The following NOL6 variants were observed in gnomAD, a reference collection of about 807,000 sequenced individuals.
The protein encoded by NOL6 is nucleolar RNA-associated protein.
Under a neutral mutation model 131.7 loss-of-function variants are expected in NOL6, and 33 were observed. The observed-to-expected ratio is 0.25, with a 90% CI of 0.19 to 0.33. NOL6 has a LOEUF of 0.33. NOL6 is among the 10% of genes least tolerant of loss of function. The probability of loss-of-function intolerance (pLI) is 1.00; values close to 1 mark genes in which losing one functional copy is unlikely to be tolerated. For missense variants in NOL6, 1,297 were observed against 1,494.5 expected (o/e 0.87, Z 2.18); for synonymous variants, 580 against 605.7 (o/e 0.96, Z 0.62).
chr9:33,468,010 C>G lies in NOL6; in HGVS notation c.1424+20G>C. The stretch of plus-strand genomic sequence containing the variant: ...GAAGAGACAGGACCCGCCAACATAC[C>G]CTGTCACCCCTAAACTCACTGCAGG... On this transcript the variant is annotated intron_variant, in intron 11 of 25. Transcript: ENST00000297990. The G allele has an allele frequency of 6.2e-7, 1 of 1,614,104 alleles. No homozygotes were observed. Among genetic ancestry groups the G allele is most frequent in the Non-Finnish European group, 8.5e-7 (1 of 1,180,014 alleles).
intron 21 of NOL6, 90 bp downstream of exon 21, chr9:33,464,789 A>C: frequency 2.2e-6 from 2 of 897,678 alleles, no homozygotes; most frequent in Non-Finnish European, 3.6e-6. Flanking sequence ...GGGGAGGCAC[A>C]GAGAAAACCT....
At chr9:33,463,592 C>A in intron 23 of NOL6, 151 bp from the exon 24 acceptor site, 1 of 805,028 alleles carries the variant, frequency 1.2e-6, no homozygotes, top group East Asian at 2.7e-5. Context: ...GCACCAAGAC[C>A]CACAGAGCAA....
rs1441165165 is a variant in NOL6, at chr9:33,464,802, C to T, written c.2779+77G>A. On this transcript the variant is annotated intron_variant, in intron 21 of 25. Transcript: ENST00000297990. ...CTGGGGAGGCACAGAGAAAACCTAA[C>T]ACTGCCAGGGAAACCCTTGCCTGCA... The T allele has an allele frequency of 2.8e-6, 3 of 1,069,918 alleles. No homozygotes were observed. The Admixed American group carries it at 5.7e-5, about 20-fold the overall frequency. The allele number at this position is 1,069,918 out of a possible 1,614,324, so 66.3% of individuals were successfully genotyped here. A position where few individuals can be genotyped will look rare whatever the true frequency, so the allele number is the denominator to read the frequency against.
rs779178025 is a variant in NOL6 at position 33,469,301 on chromosome 9, G to A, written c.768C>T (p.Cys256=). The change falls in exon 6 of 26, where the codon TGC becomes TGT. Residue 256 remains cysteine, a synonymous_variant. Coordinates refer to ENST00000297990, the MANE Select transcript of NOL6 (RefSeq NM_022917.5). ...ACGGGCGGAAGAAGTCAGGTGGAGG[G>A]CACGGATGCAGACGTACAGTGACCA... ...ERLVTVRLHP[C]PPPDFFRPCR... 3 of 1,614,022 alleles carry A rather than the reference G, an allele frequency of 1.9e-6. No individual in the cohort carries two copies. Among genetic ancestry groups the A allele is most frequent in the Non-Finnish European group, 2.5e-6 (3 of 1,180,046 alleles).
chr9:33,462,917 C>G, intron 25 of NOL6, 104 bp from the exon 26 acceptor site: 2 of 1,554,618 alleles, frequency 1.3e-6, no homozygotes, highest in Non-Finnish European at 1.8e-6. Context: ...AACACAAGCC[C>G]ATACACTCCG....
At position 33,467,195 on chromosome 9, in the gene NOL6, C is replaced by T. The variant is rs753250395; in HGVS notation, c.1793G>A (p.Arg598Gln). The T allele has an allele frequency of 9.9e-6, 16 of 1,614,056 alleles. No homozygotes were observed. Among genetic ancestry groups the T allele is most frequent in the East Asian group, 2.2e-5 (1 of 44,894 alleles). The part of the protein sequence containing the change: ...ELRRFQDGAI[R>Q]EAVVWEAASM... Reference sequence around the variant, plus strand: ...GGCTGCCTCCCAGACCACAGCTTCCCGAATGGCTCCGTCCTGGAAACGCCG... The same window carrying T: ...GGCTGCCTCCCAGACCACAGCTTCCTGAATGGCTCCGTCCTGGAAACGCCG... The change falls in exon 14 of 26, where the codon CGG becomes CAG. Residue 598 changes from arginine to glutamine, a missense_variant. Arg to Gln is a conservative substitution (Grantham distance 43, BLOSUM62 1). Transcript: ENST00000297990. This position sits in a 1 kb window ranked among gnomAD's most constrained non-coding sequence, Gnocchi z 4.4.
intron 15 of NOL6, 98 bp from the exon 16 acceptor site, chr9:33,466,807 G>C: frequency 6.4e-7 from 1 of 1,570,132 alleles, no homozygotes; most frequent in Admixed American, 1.7e-5. Flanking sequence ...CAGCACCGCC[G>C]CCTGCTGGAC....
rs765274483 is a variant in NOL6 at position 33,465,946 on chromosome 9, C to G, written c.2365-49G>C. 6 of 1,595,040 alleles carry G rather than the reference C, an allele frequency of 3.8e-6. No individual in the cohort carries two copies. The South Asian group carries it at 5.7e-5, about 15-fold the overall frequency. On this transcript the variant is annotated intron_variant, in intron 18 of 25. Transcript: ENST00000297990. ...AGAAGGATGTGTCAGCCCAGAACCC[C>G]GGGAGTACTCTGTGGCCTACAGCCC...
Position 33,466,853 on chromosome 9 carries a change from A to ACTCT in NOL6, c.1950+55_1950+58dup. 1.9e-6 allele frequency: 3 copies of ACTCT among 1,583,512 alleles called. No homozygotes were observed. In the South Asian group the frequency reaches 3.4e-5, roughly 18 times the overall value. ...GTGCAAGCTGGCCAAGGCTGAGAGGACTCTCTCCCCGCAGATTGATTACTC... is the reference window on the plus strand; with the variant it reads ...GTGCAAGCTGGCCAAGGCTGAGAGGACTCTCTCTCTCCCCGCAGATTGATTACTC... On this transcript the variant is annotated intron_variant, in intron 15 of 25. Coordinates refer to ENST00000297990, the MANE Select transcript of NOL6 (RefSeq NM_022917.5).
chr9:33,471,885 T>C (rs1486133567), intron 3 of NOL6, 119 bp downstream of exon 3: 1 of 755,754 alleles, frequency 1.3e-6, no homozygotes, highest in African/African-American at 1.7e-5. Context: ...GCTTCCTTGC[T>C]GTGAGAATGA....
At chr9:33,472,596 G>T (rs1324908778) in intron 1 of NOL6, 184 bp from the exon 2 acceptor site, 3 of 609,880 alleles carry the variant, frequency 4.9e-6, no homozygotes, top group Admixed American at 2.8e-5. Flanking sequence ...GCGCTGAGCC[G>T]AAAATTCCTT....
rs1284892131 is a variant in NOL6, at chr9:33,462,590, G to C, written c.*74C>G. On this transcript the variant is annotated 3_prime_UTR_variant, in exon 26 of 26. Transcript: ENST00000297990. ...AGGATTCATGTCCAAGGAGGGTGGA[G>C]GTCATCCTACTGACATCTTGCTCTA... The C allele has an allele frequency of 1.3e-6, 2 of 1,538,570 alleles. No homozygotes were observed. Among genetic ancestry groups the C allele is most frequent in the Admixed American group, 1.7e-5 (1 of 57,246 alleles).
chr9:33,465,199 G>A lies in NOL6; in HGVS notation c.2681+8C>T. The A allele has an allele frequency of 1.9e-6, 3 of 1,585,890 alleles. No individual in the cohort carries two copies. The highest frequency in any genetic ancestry group is 2.6e-6 in the Non-Finnish European group (3 of 1,165,348). The stretch of plus-strand genomic sequence containing the variant: ...CTTCTCAGCTGGGGAAAAAGTGGAG[G>A]GAATCACCTCGGAGGGGTGAAGGGC... On this transcript the variant is annotated splice_region_variant and intron_variant, in intron 20 of 25. Transcript: ENST00000297990.
rs937040408 is a variant in NOL6 at position 33,461,920 on chromosome 9, G to A, written c.*744C>T. Reference sequence around the variant, plus strand: ...AACCCCACTGCAGGTACATAGTAGTGGCAGTTTGTGACATGAACGGGCAAA... The same window carrying A: ...AACCCCACTGCAGGTACATAGTAGTAGCAGTTTGTGACATGAACGGGCAAA... On this transcript the variant is annotated 3_prime_UTR_variant, in exon 26 of 26. Coordinates refer to ENST00000297990, the MANE Select transcript of NOL6 (RefSeq NM_022917.5). The A allele has an allele frequency of 7.7e-6, 4 of 522,874 alleles. No individual in the cohort carries two copies. Among genetic ancestry groups the A allele is most frequent in the Admixed American group, 6.2e-5 (2 of 32,424 alleles). The allele number at this position is 522,874 out of a possible 1,614,324, so 32.4% of individuals were successfully genotyped here.
chr9:33,466,928 A>G lies in NOL6; in HGVS notation c.1934T>C (p.Ile645Thr). Residue 645 changes from isoleucine to threonine, a missense_variant, in exon 15 of 26, where the codon ATC becomes ACC. Ile to Thr is a moderately conservative substitution (Grantham distance 89). Coordinates refer to ENST00000297990, the MANE Select transcript of NOL6 (RefSeq NM_022917.5). Reference protein sequence around the residue: ...HYVGGPLDALIQGLKETSSTG... With the variant: ...HYVGGPLDALTQGLKETSSTG... Reference sequence around the variant, plus strand: ...GACCCTTACCTCTTTCAGGCCTTGGATAAGTGCATCCAGGGGGCCCCCCAC... The same window carrying G: ...GACCCTTACCTCTTTCAGGCCTTGGGTAAGTGCATCCAGGGGGCCCCCCAC... 1 of 1,614,116 alleles carries G rather than the reference A, an allele frequency of 6.2e-7. No homozygotes were observed. Among genetic ancestry groups the G allele is most frequent in the Non-Finnish European group, 8.5e-7 (1 of 1,180,012 alleles).
chr9:33,472,505 T>C, intron 1 of NOL6, 93 bp from the exon 2 acceptor site: 1 of 955,770 alleles, frequency 1.0e-6, no homozygotes, highest in Non-Finnish European at 1.6e-6. Context: ...GGTAAAAGCT[T>C]CACCTGCTCT....
rs1563877641 is a variant in NOL6, at chr9:33,466,319, T to G, written c.2198A>C (p.Glu733Ala). The change falls in exon 17 of 26, where the codon GAG becomes GCG. Residue 733 changes from glutamate (E) to alanine (A), a missense_variant. Transcript: ENST00000297990. ...RLDKPCPAYV[E>A]PMTVVCHLEG... Reference sequence around the variant, plus strand: ...AAGGGCCCTCTTACCGGTCATGGGCTCCACGTAGGCCGGACAGGGCTTATC... The same window carrying G: ...AAGGGCCCTCTTACCGGTCATGGGCGCCACGTAGGCCGGACAGGGCTTATC... 2.5e-6 allele frequency: 4 copies of G among 1,614,036 alleles called. No individual in the cohort carries two copies. The African/African-American group carries it at 5.3e-5, about 22-fold the overall frequency.
In NOL6 at chr9:33,462,755, G is replaced by A. The variant is rs185463252; in HGVS notation, c.3350C>T (p.Pro1117Leu). 3.3e-4 allele frequency: 531 copies of A among 1,614,108 alleles called. 6 individuals carry two copies. The highest frequency in any genetic ancestry group is 2.3e-5 in the Non-Finnish European group (27 of 1,180,022). ...MSRGGELVMV[P>L]NVEAILEDFA... ...GTCCTCCAGGATTGCTTCAACATTG[G>A]GCACCATTACTAGCTCCCCACCTCG... The change falls in exon 26 of 26, where the codon CCC becomes CTC. Residue 1117 changes from proline to leucine, a missense_variant. Physicochemically the swap from Pro to Leu is moderately conservative, Grantham distance 98 (BLOSUM62 -3). Coordinates refer to ENST00000297990, the MANE Select transcript of NOL6 (RefSeq NM_022917.5).
intron 1 of NOL6, chr9:33,472,729 T>C (rs761508147): frequency 7.4e-6 from 3 of 403,858 alleles, no homozygotes; most frequent in Non-Finnish European, 1.4e-5. Context: ...TCCCAGCAGT[T>C]TGGGAGGTGG....
Sources: gnomAD v4.1 joint callset for allele counts on GRCh38, gnomAD v4.1.1 for gene constraint, Gnocchi (gnomAD v3.1) non-coding constraint, MANE v1.5 for transcripts, NCBI Gene and HGNC (gene_info 2026-07-23, HGNC 2026-07-21) for gene names.